PRDM6: variants seen among roughly 807,000 people sequenced by gnomAD.
PRDM6 encodes the protein PR/SET domain 6.
In PRDM6, 25 loss-of-function variants were observed where a neutral mutation model predicts 60.8. That is an observed-to-expected ratio of 0.41 (90% CI 0.30 to 0.57). PRDM6 has a LOEUF of 0.57. Among genes scored for constraint, PRDM6 ranks in the 20% least tolerant of loss-of-function variants. The probability of loss-of-function intolerance (pLI) is 0.27; values close to 1 mark genes in which losing one functional copy is unlikely to be tolerated. For synonymous variants in PRDM6, 407 were observed against 357.4 expected (o/e 1.14, Z -1.57); for missense variants, 839 against 821.3 (o/e 1.02, Z -0.26).
chr5:123,157,862 T>C (rs1168536810), intron 4 of PRDM6, among the ~76,000 whole-genome samples: 1 of 152,254 alleles, frequency 6.6e-6, no homozygotes, highest in Non-Finnish European at 1.5e-5. Flanking sequence ...GACAATAATG[T>C]TTATTGGCAT....
At chr5:123,124,402 G>T (rs537715376) in intron 3 of PRDM6, among the ~76,000 whole-genome samples, 36 of 152,306 alleles carry the variant, frequency 2.4e-4, no homozygotes, top group Admixed American at 1.5e-3. Flanking sequence ...AGACCTCGAA[G>T]TGTTTTTATG....
rs571582941 is a variant in PRDM6 at position 123,165,324 on chromosome 5, C to T, written c.1154-5442C>T. 2.0e-5 allele frequency among the ~76,000 whole-genome samples: 3 copies of T among 152,346 alleles called. No individual in the cohort carries two copies. In the South Asian group the frequency reaches 6.2e-4, roughly 32 times the overall value. ...GCTCTCACTCCCAATCATCCAATTGCTCTGTCGAGAAACCTTGACACCTCA... is the reference window on the plus strand; with the variant it reads ...GCTCTCACTCCCAATCATCCAATTGTTCTGTCGAGAAACCTTGACACCTCA... On this transcript the variant is annotated intron_variant, in intron 5 of 7. Transcript: ENST00000407847.
At chr5:123,102,852 AT>A (rs1764134218) in intron 3 of PRDM6, among the ~76,000 whole-genome samples, 1 of 152,016 alleles carries the variant, frequency 6.6e-6, no homozygotes, top group Non-Finnish European at 1.5e-5. Flanking sequence ...TAGATGATGG[AT>A]TTTTGTTTCA....
intron 3 of PRDM6, among the ~76,000 whole-genome samples, chr5:123,113,079 G>A (rs71594329): frequency 0.012 from 1,808 of 152,192 alleles, 17 homozygotes; most frequent in Middle Eastern, 0.054. Context: ...CGTTAGTGCA[G>A]AAAGTTCTCA....
chr5:123,127,968 T>G (rs1358862110), intron 3 of PRDM6, among the ~76,000 whole-genome samples: 2 of 151,612 alleles, frequency 1.3e-5, no homozygotes, highest in Non-Finnish European at 2.9e-5. Context: ...CCACCCCGTG[T>G]TCAAGTGTTC....
intron 2 of PRDM6, among the ~76,000 whole-genome samples, chr5:123,092,679 G>C (rs1188187162): frequency 6.6e-6 from 1 of 152,122 alleles, no homozygotes; most frequent in Non-Finnish European, 1.5e-5. Flanking sequence ...GAAGTGCAGG[G>C]GAAAAGACAG....
intron 3 of PRDM6, among the ~76,000 whole-genome samples, chr5:123,122,809 C>T (rs541429065): frequency 4.0e-5 from 6 of 151,804 alleles, no homozygotes; most frequent in African/African-American, 4.8e-5. Flanking sequence ...GTTTAAAATC[C>T]GACTACAAGA....
At chr5:123,144,320 T>C (rs1372267035) in intron 3 of PRDM6, among the ~76,000 whole-genome samples, 3 of 152,224 alleles carry the variant, frequency 2.0e-5, no homozygotes, top group Admixed American at 1.3e-4. Flanking sequence ...ACTTCAGCCC[T>C]TACTACACAT....
chr5:123,141,542 GA>G (rs1315448533), intron 3 of PRDM6, among the ~76,000 whole-genome samples: 4 of 152,034 alleles, frequency 2.6e-5, no homozygotes, highest in Admixed American at 1.3e-4. Context: ...TTACTCTATA[GA>G]GTTATTATTC....
intron 3 of PRDM6, among the ~76,000 whole-genome samples, chr5:123,116,888 G>A (rs1764461883): frequency 6.6e-6 from 1 of 152,108 alleles, no homozygotes; most frequent in African/African-American, 2.4e-5. Flanking sequence ...TCAAGAAAAA[G>A]TGCAGGCTAA....
rs746748266 is a variant in PRDM6 at position 123,189,444 on chromosome 5, A to G, written c.*2243A>G. ...GTTCTCATGAGCTTCAGAACGTGGG[A>G]GAATGAGAAGGCTTCCCTCCTCCCT... On this transcript the variant is annotated 3_prime_UTR_variant, in exon 8 of 8. Coordinates refer to ENST00000407847, the MANE Select transcript of PRDM6 (RefSeq NM_001136239.4). 6.6e-6 allele frequency: 1 copy of G among 152,156 alleles called. No individual in the cohort carries two copies. The highest frequency in any genetic ancestry group is 2.4e-5 in the African/African-American group (1 of 41,432). 9.4% of individuals were successfully genotyped at this position (152,156 alleles called of 1,614,324 possible).
intron 3 of PRDM6, among the ~76,000 whole-genome samples, chr5:123,130,883 A>G (rs1473128695): frequency 2.0e-5 from 3 of 152,198 alleles, no homozygotes; most frequent in Non-Finnish European, 4.4e-5. Flanking sequence ...TATTTTTAAA[A>G]TGATAAAGCC....
intron 2 of PRDM6, among the ~76,000 whole-genome samples, chr5:123,097,317 A>G (rs1763980343): frequency 6.6e-6 from 1 of 152,206 alleles, no homozygotes. Flanking sequence ...TACTTCAGTG[A>G]AATATTTCAA....
chr5:123,122,572 T>A (rs1412761327), intron 3 of PRDM6, among the ~76,000 whole-genome samples: 1 of 152,222 alleles, frequency 6.6e-6, no homozygotes, highest in African/African-American at 2.4e-5. Context: ...TTGAGTACTC[T>A]CTACTTAAAT....
chr5:123,119,433 C>T (rs1764530738), intron 3 of PRDM6, among the ~76,000 whole-genome samples: 2 of 152,134 alleles, frequency 1.3e-5, no homozygotes, highest in African/African-American at 4.8e-5. Context: ...CTCAGGCGCC[C>T]ACTGCAGGAA....
chr5:123,125,160 C>T lies in PRDM6; in HGVS notation c.900+25199C>T, dbSNP rs1764667360. On this transcript the variant is annotated intron_variant, in intron 3 of 7. Coordinates refer to ENST00000407847, the MANE Select transcript of PRDM6 (RefSeq NM_001136239.4). ...TACATACCGCACCCCCTCCCCCCCACCCGCCGGCCCCGCCACACACACACA... is the reference window on the plus strand; with the variant it reads ...TACATACCGCACCCCCTCCCCCCCATCCGCCGGCCCCGCCACACACACACA... 4.7e-5 allele frequency among the ~76,000 whole-genome samples: 3 copies of T among 63,398 alleles called. No individual in the cohort carries two copies. The South Asian group carries it at 2.0e-3, about 43-fold the overall frequency. 41.6% of individuals were successfully genotyped at this position (63,398 alleles called of 152,430 possible).
At chr5:123,106,187 T>C (rs1430587362) in intron 3 of PRDM6, among the ~76,000 whole-genome samples, 1 of 152,210 alleles carries the variant, frequency 6.6e-6, no homozygotes, top group Non-Finnish European at 1.5e-5. Context: ...CACTATTGGC[T>C]GGAATCAATT....
At chr5:123,130,842 C>G (rs1486660511) in intron 3 of PRDM6, among the ~76,000 whole-genome samples, 1 of 152,196 alleles carries the variant, frequency 6.6e-6, no homozygotes, top group Non-Finnish European at 1.5e-5. Context: ...GCTGGGATTA[C>G]AGGCGTGAGC....
chr5:123,125,034 G>A (rs1764661141), intron 3 of PRDM6, among the ~76,000 whole-genome samples: 1 of 151,552 alleles, frequency 6.6e-6, no homozygotes, highest in Non-Finnish European at 1.5e-5. Context: ...TCATTACCCT[G>A]GAGACTGACT....
Sources: gnomAD v4.1 joint callset for allele counts (sites outside exome capture counted in the v4.1 genomes callset) on GRCh38, gnomAD v4.1.1 for gene constraint, MANE v1.5 for transcripts, NCBI Gene and HGNC (gene_info 2026-07-23, HGNC 2026-07-21) for gene names.